Variants in LMBR1 observed in about 807,000 individuals in gnomAD.
LMBR1 encodes limb development membrane protein 1.
Under a neutral mutation model 73.9 loss-of-function variants are expected in LMBR1, and 52 were observed. The observed-to-expected ratio is 0.70, with a 90% CI of 0.56 to 0.89. LMBR1 has a LOEUF of 0.89. Among genes scored for constraint, LMBR1 ranks in the 40% least tolerant of loss-of-function variants. The pLI is 0.00. For missense variants in LMBR1, 539 were observed against 579.8 expected, an observed-to-expected ratio of 0.93 and a Z score of 0.72; for synonymous variants, 215 against 209.4, an observed-to-expected ratio of 1.03 and a Z score of -0.23.
intron 5 of LMBR1, among the ~76,000 whole-genome samples, chr7:156,767,388 A>G (rs1218970344): frequency 6.6e-6 from 1 of 152,180 alleles, no homozygotes; most frequent in East Asian, 1.9e-4. Context: ...TGCAATGCCA[A>G]AAAATATTTT....
intron 5 of LMBR1, among the ~76,000 whole-genome samples, chr7:156,782,708 C>G (rs1228128227): frequency 6.6e-6 from 1 of 152,154 alleles, no homozygotes; most frequent in African/African-American, 2.4e-5. Flanking sequence ...CCATGCCCAG[C>G]TAATTTTTGT....
chr7:156,771,075 T>C (rs773367435), intron 5 of LMBR1, among the ~76,000 whole-genome samples: 36 of 151,610 alleles, frequency 2.4e-4, no homozygotes, highest in Admixed American at 1.2e-3. Context: ...AAAAACACAT[T>C]AGAAATATGA....
chr7:156,718,319 G>A (rs1412222193), intron 15 of LMBR1, among the ~76,000 whole-genome samples: 1 of 151,212 alleles, frequency 6.6e-6, no homozygotes, highest in Non-Finnish European at 1.5e-5. Flanking sequence ...AGAATCACTT[G>A]AACCCAGGAG....
intron 15 of LMBR1, among the ~76,000 whole-genome samples, chr7:156,701,571 G>A (rs949475630): frequency 1.1e-4 from 17 of 152,214 alleles, no homozygotes; most frequent in Admixed American, 9.2e-4. Flanking sequence ...ATGCTGGTGA[G>A]GATGTGGAGC....
chr7:156,880,854 T>C (rs1414271272), intron 1 of LMBR1, among the ~76,000 whole-genome samples: 1 of 152,146 alleles, frequency 6.6e-6, no homozygotes, highest in Non-Finnish European at 1.5e-5. Context: ...GGTTTCACCA[T>C]GTTAGCCAGG....
At chr7:156,765,223 T>C (rs894333810) in intron 5 of LMBR1, among the ~76,000 whole-genome samples, 3 of 152,244 alleles carry the variant, frequency 2.0e-5, no homozygotes, top group Non-Finnish European at 4.4e-5. Context: ...CGAATTGTAA[T>C]TCCCATAATC....
intron 1 of LMBR1, among the ~76,000 whole-genome samples, chr7:156,876,830 A>G (rs1336240270): frequency 6.6e-6 from 1 of 152,202 alleles, no homozygotes; most frequent in Non-Finnish European, 1.5e-5. Flanking sequence ...CGGTGCTAAG[A>G]GGAAAGTTCA....
At chr7:156,723,726 C>G (rs984765112) in intron 15 of LMBR1, among the ~76,000 whole-genome samples, 1 of 152,038 alleles carries the variant, frequency 6.6e-6, no homozygotes, top group Non-Finnish European at 1.5e-5. Flanking sequence ...AAATAATTTA[C>G]AAATTTTCAA....
At chr7:156,870,105 G>A (rs1799052491) in intron 1 of LMBR1, among the ~76,000 whole-genome samples, 1 of 152,136 alleles carries the variant, frequency 6.6e-6, no homozygotes, top group South Asian at 2.1e-4. Context: ...ATAAACGGTA[G>A]AATAACGATT....
At chr7:156,812,056 C>T (rs778065044) in intron 4 of LMBR1, among the ~76,000 whole-genome samples, 2 of 152,082 alleles carry the variant, frequency 1.3e-5, no homozygotes, top group Non-Finnish European at 2.9e-5. Context: ...TTTGGGTCTT[C>T]GCTAATCTAA....
At chr7:156,850,922 C>T (rs947599069) in intron 1 of LMBR1, among the ~76,000 whole-genome samples, 3 of 152,116 alleles carry the variant, frequency 2.0e-5, no homozygotes, top group Non-Finnish European at 4.4e-5. Flanking sequence ...GGTGCCCTCC[C>T]CTTGGTGATG....
chr7:156,887,002 C>G (rs35614416), intron 1 of LMBR1, among the ~76,000 whole-genome samples: 1,907 of 152,250 alleles, frequency 0.013, 20 homozygotes, highest in Non-Finnish European at 0.017. Context: ...AGGGTATACT[C>G]AGTTAGCTGG....
chr7:156,757,538 C>T (rs1314565294), intron 8 of LMBR1, among the ~76,000 whole-genome samples: 1 of 152,202 alleles, frequency 6.6e-6, no homozygotes, highest in Non-Finnish European at 1.5e-5. Flanking sequence ...GTTTTGTTAA[C>T]ATAGCTATCC....
chr7:156,787,737 T>C (rs960707052), intron 5 of LMBR1, among the ~76,000 whole-genome samples: 7 of 152,254 alleles, frequency 4.6e-5, no homozygotes, highest in Non-Finnish European at 1.5e-5. Flanking sequence ...GTCTAAGTTG[T>C]CTATTTTCAA....
intron 5 of LMBR1, among the ~76,000 whole-genome samples, chr7:156,787,905 T>C (rs1354231139): frequency 1.3e-5 from 2 of 152,142 alleles, no homozygotes; most frequent in Non-Finnish European, 2.9e-5. Flanking sequence ...GCCTCCTGAG[T>C]AGCTGGGATT....
chr7:156,833,222 C>T (rs1836997116), intron 3 of LMBR1, among the ~76,000 whole-genome samples: 5 of 152,168 alleles, frequency 3.3e-5, no homozygotes, highest in Admixed American at 3.3e-4. Flanking sequence ...TACATAGGTG[C>T]ATCTGTGCAA....
intron 15 of LMBR1, among the ~76,000 whole-genome samples, chr7:156,714,611 G>A (rs1812804144): frequency 6.6e-6 from 1 of 152,170 alleles, no homozygotes; most frequent in Non-Finnish European, 1.5e-5. Context: ...GCAGCATTTG[G>A]AGCAGGGAAA....
In LMBR1 at chr7:156,720,550, A is replaced by G. The variant is rs532999618; in HGVS notation, c.1225+3562T>C. ...CATTTGGCACAAAACATTTTTAAGA[A>G]TTCTTTATTCTTAAAGATCTCAACT... On this transcript the variant is annotated intron_variant, in intron 15 of 16. Coordinates refer to ENST00000353442, the MANE Select transcript of LMBR1 (RefSeq NM_022458.4). Among the ~76,000 whole-genome samples, 5 of 152,212 alleles carry G rather than the reference A, an allele frequency of 3.3e-5. No homozygotes were observed. The South Asian group carries it at 6.2e-4, about 19-fold the overall frequency.
chr7:156,727,844 G>A, intron 12 of LMBR1, 86 bp downstream of exon 12: 1 of 845,806 alleles, frequency 1.2e-6, no homozygotes, highest in Non-Finnish European at 1.9e-6. Flanking sequence ...AAAGGTGAAT[G>A]TTTTCATTTG....
Sources: allele counts gnomAD v4.1 joint callset (sites outside exome capture counted in the v4.1 genomes callset), GRCh38; gene constraint gnomAD v4.1.1; transcripts MANE v1.5; gene names NCBI Gene and HGNC (gene_info 2026-07-23, HGNC 2026-07-21).